SH2D4B: variants seen among roughly 807,000 people sequenced by gnomAD.
SH2D4B encodes SH2 domain-containing protein 4B.
In SH2D4B, 45 loss-of-function variants were observed where a neutral mutation model predicts 61.5. The observed-to-expected ratio is 0.73, with a 90% CI of 0.58 to 0.94. SH2D4B has a LOEUF of 0.94. SH2D4B is among the 40% of genes least tolerant of loss of function. The pLI, the probability that SH2D4B is intolerant of heterozygous loss-of-function variation, is 0.00. For missense variants in SH2D4B, 572 were observed against 574.2 expected, an observed-to-expected ratio of 1.00 and a Z score of 0.04; for synonymous variants, 224 against 220.4, an observed-to-expected ratio of 1.02 and a Z score of -0.14.
At chr10:80,543,275 C>T (rs1479085916) in intron 1 of SH2D4B, among the ~76,000 whole-genome samples, 1 of 152,062 alleles carries the variant, frequency 6.6e-6, no homozygotes, top group East Asian at 1.9e-4. Context: ...GAGGGAGAGG[C>T]GCCAGCGGGA....
intron 5 of SH2D4B, among the ~76,000 whole-genome samples, chr10:80,605,174 T>G (rs72805747): frequency 0.023 from 3,484 of 152,158 alleles, 51 homozygotes; most frequent in Middle Eastern, 0.065. Context: ...TCTTTTTTTT[T>G]TGTGGAAAAG....
intron 1 of SH2D4B, among the ~76,000 whole-genome samples, chr10:80,549,202 A>T (rs865893792): frequency 1.8e-3 from 148 of 80,650 alleles, no homozygotes; most frequent in African/African-American, 4.5e-3. Flanking sequence ...ATGGGACTTG[A>T]TTGTGTGTGT....
At position 80,603,698 on chromosome 10, in the gene SH2D4B, A is replaced by G. The variant is rs370698042; in HGVS notation, c.763A>G (p.Met255Val). ...GGGCACGGTCGCTGGCCTCAGCTCC[A>G]TGTTCCGGGAGCTTGGCCAGAGCCA... ...QKGTVAGLSS[M>V]FRELGQSHEQ... The change falls in exon 5 of 8, where the codon ATG becomes GTG. Residue 255 changes from methionine (M) to valine (V), a missense_variant. By Grantham distance (21) the Met-to-Val change is conservative. Coordinates refer to ENST00000646907, the MANE Select transcript of SH2D4B (RefSeq NM_001388272.1). The G allele has an allele frequency of 6.2e-7, 1 of 1,613,276 alleles. No homozygotes were observed.
intron 6 of SH2D4B, among the ~76,000 whole-genome samples, chr10:80,621,939 T>C (rs1308084731): frequency 6.6e-6 from 1 of 152,136 alleles, no homozygotes; most frequent in Non-Finnish European, 1.5e-5. Flanking sequence ...CTCAGGCTGG[T>C]CTCAATCTCC....
At chr10:80,599,622 G>A (rs149921209) in intron 4 of SH2D4B, among the ~76,000 whole-genome samples, 10 of 152,294 alleles carry the variant, frequency 6.6e-5, no homozygotes, top group South Asian at 4.1e-4. Context: ...GCCATCAGGC[G>A]TTGCCCGCAG....
intron 4 of SH2D4B, among the ~76,000 whole-genome samples, chr10:80,591,016 G>C (rs548081988): frequency 7.3e-5 from 11 of 150,610 alleles, no homozygotes; most frequent in Non-Finnish European, 1.6e-4. Flanking sequence ...TTTGGTGTCT[G>C]ACTTTGCTTA....
intron 6 of SH2D4B, among the ~76,000 whole-genome samples, chr10:80,621,931 C>G (rs998968527): frequency 1.3e-5 from 2 of 152,108 alleles, no homozygotes; most frequent in African/African-American, 4.8e-5. Flanking sequence ...CCATGTTGCT[C>G]AGGCTGGTCT....
chr10:80,604,622 A>C (rs1842493991), intron 5 of SH2D4B, among the ~76,000 whole-genome samples: 1 of 151,956 alleles, frequency 6.6e-6, no homozygotes, highest in Non-Finnish European at 1.5e-5. Context: ...GTCTAGGGAC[A>C]GTTGATGTCT....
At chr10:80,586,487 G>T (rs1026764034) in intron 3 of SH2D4B, among the ~76,000 whole-genome samples, 1 of 152,172 alleles carries the variant, frequency 6.6e-6, no homozygotes, top group Non-Finnish European at 1.5e-5. Flanking sequence ...AATCGACACT[G>T]TATCTAGCTA....
chr10:80,615,456 A>C (rs1842650112), intron 6 of SH2D4B, among the ~76,000 whole-genome samples: 1 of 152,238 alleles, frequency 6.6e-6, no homozygotes, highest in African/African-American at 2.4e-5. Flanking sequence ...CTCTGCATTT[A>C]CAATCCCTTA....
intron 4 of SH2D4B, among the ~76,000 whole-genome samples, chr10:80,589,245 C>G (rs568351412): frequency 6.6e-6 from 1 of 152,190 alleles, no homozygotes; most frequent in Non-Finnish European, 1.5e-5. Context: ...CTCAGGTGAC[C>G]CACCTGCCTC....
chr10:80,583,015 C>G (rs936301378), intron 3 of SH2D4B, among the ~76,000 whole-genome samples: 1 of 152,202 alleles, frequency 6.6e-6, no homozygotes, highest in African/African-American at 2.4e-5. Context: ...GGAGCATGCT[C>G]TCTGAGTTTC....
intron 6 of SH2D4B, among the ~76,000 whole-genome samples, chr10:80,623,976 A>G (rs12777799): frequency 0.37 from 56,463 of 151,948 alleles, 11,459 homozygotes; most frequent in African/African-American, 0.53. Context: ...TTGTTGGGCT[A>G]GAGGGTGCAT....
chr10:80,631,878 A>G (rs1002395250), intron 6 of SH2D4B, among the ~76,000 whole-genome samples: 1 of 152,200 alleles, frequency 6.6e-6, no homozygotes, highest in African/African-American at 2.4e-5. Context: ...CAAGAGATCT[A>G]TTGTACAGCT....
chr10:80,553,171 G>A (rs897242054), intron 1 of SH2D4B, among the ~76,000 whole-genome samples: 1 of 152,168 alleles, frequency 6.6e-6, no homozygotes, highest in South Asian at 2.1e-4. Context: ...ACCCACCATG[G>A]CCTCCCAAAG....
chr10:80,636,982 G>A (rs536227449), intron 7 of SH2D4B, among the ~76,000 whole-genome samples: 3 of 152,312 alleles, frequency 2.0e-5, no homozygotes, highest in African/African-American at 7.2e-5. Flanking sequence ...ATAAGGAAGG[G>A]ATCCAGTTTC....
chr10:80,592,288 A>G (rs949237170), intron 4 of SH2D4B, among the ~76,000 whole-genome samples: 34 of 152,322 alleles, frequency 2.2e-4, no homozygotes, highest in African/African-American at 7.9e-4. Flanking sequence ...ATTTCTTATC[A>G]GAGATATGGT....
chr10:80,604,173 G>A (rs1314933741), intron 5 of SH2D4B, among the ~76,000 whole-genome samples: 1 of 152,226 alleles, frequency 6.6e-6, no homozygotes, highest in Non-Finnish European at 1.5e-5. Context: ...GTAAAGCATG[G>A]CCGGGCAGCC....
At position 80,540,709 on chromosome 10, in the gene SH2D4B, A is replaced by T. The variant is rs1176954726; in HGVS notation, c.184+2194A>T. ...TCACCAATTCATTCACTTATCCAGCATTACTATGTGCTGATTTCAGTGAAT... is the reference window on the plus strand; with the variant it reads ...TCACCAATTCATTCACTTATCCAGCTTTACTATGTGCTGATTTCAGTGAAT... On this transcript the variant is annotated intron_variant, in intron 1 of 7. Transcript: ENST00000646907. 4.5e-6 allele frequency: 4 copies of T among 889,172 alleles called. No individual in the cohort carries two copies. The Admixed American group carries it at 1.0e-4, about 23-fold the overall frequency. 55.1% of individuals were successfully genotyped at this position (889,172 alleles called of 1,614,324 possible).
Sources: allele counts gnomAD v4.1 joint callset (sites outside exome capture counted in the v4.1 genomes callset), GRCh38; gene constraint gnomAD v4.1.1; transcripts MANE v1.5; gene names NCBI Gene and HGNC (gene_info 2026-07-23, HGNC 2026-07-21).